The following SPTLC1 variants were observed in gnomAD, a reference collection of about 807,000 sequenced individuals.
SPTLC1 encodes the protein serine palmitoyltransferase long chain base subunit 1.
SPTLC1 carries 55 observed loss-of-function variants against 68.9 expected under a neutral mutation model. That is an observed-to-expected ratio of 0.80 (90% CI 0.64 to 1.00). SPTLC1 has a LOEUF of 1.00. SPTLC1 is among the 50% of genes least tolerant of loss of function. The probability of loss-of-function intolerance (pLI) is 0.00; values close to 1 mark genes in which losing one functional copy is unlikely to be tolerated. For missense variants in SPTLC1, 449 were observed against 573.1 expected, an observed-to-expected ratio of 0.78 and a Z score of 2.21; for synonymous variants, 197 against 201.6, an observed-to-expected ratio of 0.98 and a Z score of 0.19.
At chr9:92,090,659 TGAG>T in intron 3 of SPTLC1, among the ~76,000 whole-genome samples, 1 of 149,704 alleles carries the variant, frequency 6.7e-6, no homozygotes. Context: ...ATGTTAAGCA[TGAG>T]GAGAAGAAAA....
intron 12 of SPTLC1, among the ~76,000 whole-genome samples, chr9:92,044,189 T>C (rs900488159): frequency 1.3e-5 from 2 of 152,062 alleles, no homozygotes; most frequent in African/African-American, 4.8e-5. Context: ...TGAAACGATG[T>C]GGAGCTCCAG....
At chr9:92,113,754 T>C (rs1587627789) in intron 1 of SPTLC1, among the ~76,000 whole-genome samples, 1 of 152,336 alleles carries the variant, frequency 6.6e-6, no homozygotes, top group East Asian at 1.9e-4. Flanking sequence ...TCCCAGTATG[T>C]CCTGCAATGG....
chr9:92,052,623 A>AG (rs1215710628), intron 8 of SPTLC1, among the ~76,000 whole-genome samples: 1 of 151,318 alleles, frequency 6.6e-6, no homozygotes, highest in Admixed American at 6.6e-5. Context: ...TCCACATCCC[A>AG]GGTTCAAGCA....
chr9:92,083,242 T>G (rs922147670), intron 3 of SPTLC1, among the ~76,000 whole-genome samples: 41 of 152,200 alleles, frequency 2.7e-4, no homozygotes, highest in Admixed American at 1.9e-3. Context: ...CTCTTTAGTT[T>G]AATTAGATCC....
At chr9:92,051,358 T>A in intron 8 of SPTLC1, 1 of 759,022 alleles carries the variant, frequency 1.3e-6, no homozygotes, top group Non-Finnish European at 1.6e-6. Flanking sequence ...TAGAAGAATG[T>A]AGGGGGAAAA....
At chr9:92,105,538 A>C (rs1231207353) in intron 3 of SPTLC1, 2 of 596,326 alleles carry the variant, frequency 3.4e-6, no homozygotes, top group Non-Finnish European at 5.9e-6. Flanking sequence ...CCATCTGGGA[A>C]GTGAGGAGCG....
At chr9:92,045,970 TA>T (rs1318082772) in intron 12 of SPTLC1, 28 bp downstream of exon 12, 1 of 1,600,612 alleles carries the variant, frequency 6.2e-7, no homozygotes, top group Non-Finnish European at 8.6e-7. Context: ...AGATAAACTT[TA>T]TGTTGGTTGA....
At chr9:92,062,388 T>C (rs959300477) in intron 6 of SPTLC1, among the ~76,000 whole-genome samples, 2 of 151,780 alleles carry the variant, frequency 1.3e-5, no homozygotes, top group African/African-American at 2.4e-5. Flanking sequence ...CTGAAAGAAA[T>C]AGACAAACCC....
intron 12 of SPTLC1, among the ~76,000 whole-genome samples, chr9:92,042,904 A>T (rs1044561033): frequency 4.6e-5 from 7 of 152,262 alleles, no homozygotes; most frequent in African/African-American, 1.4e-4. Context: ...GTCAACCAGT[A>T]GGAGAAAGGA....
intron 4 of SPTLC1, among the ~76,000 whole-genome samples, chr9:92,080,466 C>T (rs1834839893): frequency 6.6e-6 from 1 of 152,232 alleles, no homozygotes; most frequent in African/African-American, 2.4e-5. Flanking sequence ...CTCTCTCTGT[C>T]TAGGTCCCGC....
intron 14 of SPTLC1, among the ~76,000 whole-genome samples, chr9:92,032,884 A>T (rs1193995831): frequency 2.0e-5 from 3 of 151,980 alleles, no homozygotes; most frequent in Admixed American, 2.0e-4. Flanking sequence ...TCAAAAAAAA[A>T]AAAAAACCAA....
intron 1 of SPTLC1, among the ~76,000 whole-genome samples, chr9:92,114,676 A>G (rs1388905059): frequency 6.6e-6 from 1 of 151,736 alleles, no homozygotes; most frequent in African/African-American, 2.4e-5. Flanking sequence ...CGGAGGTTGT[A>G]GTGAGCCGAG....
chr9:92,059,337 G>A (rs766790114), intron 6 of SPTLC1, 29 bp from the exon 7 acceptor site: 3 of 1,612,428 alleles, frequency 1.9e-6, no homozygotes, highest in South Asian at 1.1e-5. Flanking sequence ...CACCAAATTG[G>A]GTTTAAAGGG....
At chr9:92,089,706 A>G (rs1835286877) in intron 3 of SPTLC1, among the ~76,000 whole-genome samples, 1 of 152,252 alleles carries the variant, frequency 6.6e-6, no homozygotes, top group African/African-American at 2.4e-5. Context: ...AAAAGCTAAA[A>G]AATTCCCAGA....
intron 3 of SPTLC1, among the ~76,000 whole-genome samples, chr9:92,082,277 A>T (rs902355216): frequency 9.2e-5 from 14 of 152,040 alleles, no homozygotes; most frequent in Non-Finnish European, 1.0e-4. Context: ...TTTAGGGTAC[A>T]TGTGCACAAT....
chr9:92,066,834 G>A (rs995847211), intron 6 of SPTLC1, among the ~76,000 whole-genome samples: 4 of 151,558 alleles, frequency 2.6e-5, no homozygotes, highest in African/African-American at 9.7e-5. Flanking sequence ...CAAAAAATTA[G>A]CTAGGTTTGG....
At chr9:92,094,143 G>GTC (rs956238170) in intron 3 of SPTLC1, among the ~76,000 whole-genome samples, 1 of 152,198 alleles carries the variant, frequency 6.6e-6, no homozygotes, top group African/African-American at 2.4e-5. Context: ...AATACAAACC[G>GTC]TAAGGCCAAG....
rs936455889 is a variant in SPTLC1, at chr9:92,081,546, C to G, written c.261-583G>C. ...AGCTACACTGGAGCCGGATATGAGC[C>G]CGGCTGGGACAGGAGAATGGGCTCC... On this transcript the variant is annotated intron_variant, in intron 3 of 14. Transcript: ENST00000262554. Among the ~76,000 whole-genome samples the G allele has an allele frequency of 2.6e-5, 4 of 152,266 alleles. No individual in the cohort carries two copies. In the South Asian group the frequency reaches 8.3e-4, roughly 32 times the overall value.
intron 3 of SPTLC1, among the ~76,000 whole-genome samples, chr9:92,082,329 T>C (rs978707753): frequency 2.6e-5 from 4 of 151,834 alleles, no homozygotes; most frequent in African/African-American, 9.7e-5. Context: ...CATGCTGGTG[T>C]GCTGCACCCA....
Sources: allele counts gnomAD v4.1 joint callset (sites outside exome capture counted in the v4.1 genomes callset), GRCh38; gene constraint gnomAD v4.1.1; transcripts MANE v1.5; gene names NCBI Gene and HGNC (gene_info 2026-07-23, HGNC 2026-07-21).